Variants in RPS6KC1 observed in about 807,000 individuals in gnomAD.
RPS6KC1 encodes the protein ribosomal protein S6 kinase C1, also known as inactive ribosomal protein S6 kinase delta-1.
RPS6KC1 carries 54 observed loss-of-function variants against 103.8 expected under a neutral mutation model. That is an observed-to-expected ratio of 0.52 (90% confidence interval 0.42 to 0.65). The LOEUF is 0.65. Among genes scored for constraint, RPS6KC1 ranks in the 30% least tolerant of loss-of-function variants. The pLI, the probability that RPS6KC1 is intolerant of heterozygous loss-of-function variation, is 0.00. For synonymous variants in RPS6KC1, 439 were observed against 438.7 expected, an observed-to-expected ratio of 1.00 and a Z score of -0.01; for missense variants, 1,151 against 1,253.8, an observed-to-expected ratio of 0.92 and a Z score of 1.24.
chr1:213,365,774 T>C, the RPS6KC1 span, among the ~76,000 whole-genome samples: 1 of 152,226 alleles, frequency 6.6e-6, no homozygotes, highest in Non-Finnish European at 1.5e-5. Flanking sequence ...CTGCAAACTT[T>C]TTATGTAAAG....
chr1:213,857,200 C>T, the RPS6KC1 span, among the ~76,000 whole-genome samples: 1 of 152,170 alleles, frequency 6.6e-6, no homozygotes, highest in African/African-American at 2.4e-5. Flanking sequence ...ATGGGCCTCC[C>T]AATGGTGTGG....
chr1:213,769,492 GGAGAGAGAGAGAGAGAGAGATGGACA>G, the RPS6KC1 span, among the ~76,000 whole-genome samples: 1 of 135,624 alleles, frequency 7.4e-6, no homozygotes, highest in Non-Finnish European at 1.6e-5. Context: ...AACTCCACCT[GGAGAGAGAGAGAGAGAGAGATGGACA>G]GAGAGAGAGA....
the RPS6KC1 span, among the ~76,000 whole-genome samples, chr1:213,432,302 C>T: frequency 1.3e-5 from 2 of 152,148 alleles, no homozygotes; most frequent in Non-Finnish European, 2.9e-5. Flanking sequence ...TAATGAAGTA[C>T]AATTTATAGT....
intron 8 of RPS6KC1, among the ~76,000 whole-genome samples, chr1:213,204,018 C>T (rs1278986788): frequency 6.6e-6 from 1 of 152,194 alleles, no homozygotes; most frequent in Non-Finnish European, 1.5e-5. Flanking sequence ...CAGAAGTTTC[C>T]TGATGGTCCA....
the RPS6KC1 span, among the ~76,000 whole-genome samples, chr1:213,784,557 A>G: frequency 5.3e-5 from 8 of 152,216 alleles, no homozygotes; most frequent in African/African-American, 1.7e-4. Flanking sequence ...ACCCTTACAG[A>G]TGAGGTTTCT....
At chr1:213,629,492 G>T in the RPS6KC1 span, among the ~76,000 whole-genome samples, 1 of 152,166 alleles carries the variant, frequency 6.6e-6, no homozygotes. Context: ...CATGTGAGAT[G>T]GGTTTCCTGA....
chr1:213,712,839 G>C, the RPS6KC1 span, among the ~76,000 whole-genome samples: 9 of 151,970 alleles, frequency 5.9e-5, 1 homozygote, highest in Admixed American at 3.3e-4. Context: ...TCTGTGGGCT[G>C]TACCCACTGT....
At chr1:213,175,518 A>G (rs181510543) in intron 7 of RPS6KC1, among the ~76,000 whole-genome samples, 3 of 152,338 alleles carry the variant, frequency 2.0e-5, no homozygotes, top group Admixed American at 6.5e-5. Context: ...TACAGGATCA[A>G]TGTAGCAGTA....
intron 3 of RPS6KC1, among the ~76,000 whole-genome samples, chr1:213,102,822 A>T (rs2082131839): frequency 1.3e-5 from 2 of 152,178 alleles, no homozygotes; most frequent in African/African-American, 2.4e-5. Flanking sequence ...GTGTATATAT[A>T]TGCATGGAAT....
the RPS6KC1 span, among the ~76,000 whole-genome samples, chr1:213,490,008 A>G: frequency 6.6e-6 from 1 of 152,166 alleles, no homozygotes; most frequent in East Asian, 1.9e-4. Context: ...GAGTTCTGGA[A>G]ATGCTGTGAA....
the RPS6KC1 span, among the ~76,000 whole-genome samples, chr1:213,597,985 A>C: frequency 6.6e-6 from 1 of 152,224 alleles, no homozygotes; most frequent in South Asian, 2.1e-4. Flanking sequence ...AAAAAGAAAC[A>C]AAAAACAAAA....
the RPS6KC1 span, among the ~76,000 whole-genome samples, chr1:213,327,928 G>A: frequency 2.6e-5 from 4 of 152,138 alleles, no homozygotes; most frequent in African/African-American, 9.7e-5. Context: ...AGAGGGGCCA[G>A]CTCTGCCCTC....
At chr1:213,493,466 C>T in the RPS6KC1 span, among the ~76,000 whole-genome samples, 10 of 152,274 alleles carry the variant, frequency 6.6e-5, no homozygotes, top group East Asian at 1.2e-3. Context: ...TAACGGCCAA[C>T]GTTTGAAGTG....
At chr1:213,552,975 G>A in the RPS6KC1 span, among the ~76,000 whole-genome samples, 1 of 151,228 alleles carries the variant, frequency 6.6e-6, no homozygotes, top group Non-Finnish European at 1.5e-5. Context: ...AAGTGTAATA[G>A]CAGATATTAC....
the RPS6KC1 span, among the ~76,000 whole-genome samples, chr1:213,795,515 G>T: frequency 6.6e-6 from 1 of 152,158 alleles, no homozygotes; most frequent in Non-Finnish European, 1.5e-5. Context: ...GAGTGTCACA[G>T]ATTTTTAAAA....
chr1:213,149,305 C>T (rs1194297484), intron 6 of RPS6KC1, among the ~76,000 whole-genome samples: 1 of 152,124 alleles, frequency 6.6e-6, no homozygotes, highest in African/African-American at 2.4e-5. Flanking sequence ...ACTTCCCTCT[C>T]AGTATTGCTT....
chr1:213,177,330 G>A (rs191678605), intron 8 of RPS6KC1, among the ~76,000 whole-genome samples: 27 of 152,170 alleles, frequency 1.8e-4, no homozygotes, highest in Middle Eastern at 6.8e-3. Context: ...TAATATTAAG[G>A]GATAGGTTAA....
At chr1:213,545,706 A>G in the RPS6KC1 span, among the ~76,000 whole-genome samples, 29 of 152,258 alleles carry the variant, frequency 1.9e-4, no homozygotes, top group Admixed American at 7.2e-4. Flanking sequence ...GGGGGACACA[A>G]TTCAACCCAT....
the RPS6KC1 span, among the ~76,000 whole-genome samples, chr1:213,368,244 A>G: frequency 2.0e-5 from 3 of 152,186 alleles, no homozygotes; most frequent in Non-Finnish European, 4.4e-5. Context: ...TGTGATTTCC[A>G]GTAATCATCT....
Sources: gnomAD v4.1 joint callset for allele counts (sites outside exome capture counted in the v4.1 genomes callset) on GRCh38, gnomAD v4.1.1 for gene constraint, MANE v1.5 for transcripts, NCBI Gene and HGNC (gene_info 2026-07-23, HGNC 2026-07-21) for gene names.